The following ENTREP2 variants were observed in gnomAD, a reference collection of about 807,000 sequenced individuals.
ENTREP2 encodes the protein endosomal transmembrane epsin interactor 2.
At chr15:29,613,297 G>A in the ENTREP2 span, 2 of 198,052 alleles carry the variant, frequency 1.0e-5, no homozygotes. Context: ...TAGATCTGCA[G>A]ACCAGACCAC....
At chr15:29,617,537 C>A in the ENTREP2 span, among the ~76,000 whole-genome samples, 1 of 152,224 alleles carries the variant, frequency 6.6e-6, no homozygotes, top group African/African-American at 2.4e-5. Context: ...GTGACATTAG[C>A]TGCTGCAACT....
the ENTREP2 span, among the ~76,000 whole-genome samples, chr15:29,362,894 ATACTT>A: frequency 6.6e-6 from 1 of 152,158 alleles, no homozygotes; most frequent in Admixed American, 6.5e-5. Context: ...TCCTTATGTT[ATACTT>A]TAGTCTGTTT....
the ENTREP2 span, among the ~76,000 whole-genome samples, chr15:29,530,283 C>T: frequency 1.3e-5 from 2 of 152,210 alleles, no homozygotes; most frequent in South Asian, 2.1e-4. Context: ...GGAATCTGTG[C>T]GGGTGCTGGG....
At chr15:29,200,048 TTC>T in the ENTREP2 span, among the ~76,000 whole-genome samples, 1 of 152,262 alleles carries the variant, frequency 6.6e-6, no homozygotes, top group African/African-American at 2.4e-5. Flanking sequence ...TCTATCTGGA[TTC>T]TCTCTTTGTT....
At chr15:29,300,686 C>T in the ENTREP2 span, among the ~76,000 whole-genome samples, 1 of 152,114 alleles carries the variant, frequency 6.6e-6, no homozygotes, top group Non-Finnish European at 1.5e-5. Context: ...GCAACCTCCA[C>T]CTCCCGGGTT....
the ENTREP2 span, among the ~76,000 whole-genome samples, chr15:29,249,722 C>T: frequency 2.4e-4 from 37 of 152,186 alleles, no homozygotes; most frequent in African/African-American, 8.4e-4. Flanking sequence ...TCCATTCTTG[C>T]ATTGCTAGAA....
chr15:29,280,041 T>C, the ENTREP2 span, among the ~76,000 whole-genome samples: 1 of 152,240 alleles, frequency 6.6e-6, no homozygotes, highest in Non-Finnish European at 1.5e-5. Flanking sequence ...AATTCTCACA[T>C]TTCCGTTTTG....
the ENTREP2 span, among the ~76,000 whole-genome samples, chr15:29,402,372 G>T: frequency 1.3e-5 from 2 of 151,752 alleles, no homozygotes; most frequent in African/African-American, 4.9e-5. Flanking sequence ...CTAGAATGCA[G>T]TGGCATGATC....
the ENTREP2 span, among the ~76,000 whole-genome samples, chr15:29,644,847 G>C: frequency 6.7e-6 from 1 of 149,198 alleles, no homozygotes; most frequent in Non-Finnish European, 1.5e-5. Context: ...AGAAAGAAAA[G>C]AAAAAGAAAA....
At chr15:29,203,296 G>A in the ENTREP2 span, among the ~76,000 whole-genome samples, 3 of 152,302 alleles carry the variant, frequency 2.0e-5, no homozygotes, top group South Asian at 6.2e-4. Flanking sequence ...CAGCTACTGG[G>A]GAGGCTGAGG....
At chr15:29,539,999 G>A in the ENTREP2 span, among the ~76,000 whole-genome samples, 3 of 152,078 alleles carry the variant, frequency 2.0e-5, no homozygotes, top group South Asian at 4.2e-4. Context: ...AGGCAGATGT[G>A]GCCCAGGCAG....
chr15:29,623,702 G>C, the ENTREP2 span, among the ~76,000 whole-genome samples: 2 of 152,166 alleles, frequency 1.3e-5, no homozygotes, highest in African/African-American at 2.4e-5. Flanking sequence ...GCTAAAAGGA[G>C]GCAATCAGAT....
chr15:29,600,959 G>A, the ENTREP2 span, among the ~76,000 whole-genome samples: 10 of 140,130 alleles, frequency 7.1e-5, no homozygotes, highest in East Asian at 8.7e-4. Context: ...GTGCAGTGGC[G>A]CGATCTCTGC....
chr15:29,132,620 G>C, the ENTREP2 span, among the ~76,000 whole-genome samples: 1 of 152,226 alleles, frequency 6.6e-6, no homozygotes, highest in Non-Finnish European at 1.5e-5. Context: ...CAGAGTTCTG[G>C]AGAAGGGTGT....
chr15:29,178,004 AAC>A, the ENTREP2 span, among the ~76,000 whole-genome samples: 1 of 152,178 alleles, frequency 6.6e-6, no homozygotes, highest in Non-Finnish European at 1.5e-5. Flanking sequence ...GAACTTTGTT[AAC>A]ACAGTTTCTT....
chr15:29,289,672 C>A, the ENTREP2 span, among the ~76,000 whole-genome samples: 1 of 151,960 alleles, frequency 6.6e-6, no homozygotes, highest in Non-Finnish European at 1.5e-5. Context: ...ATGGCAAAAC[C>A]CCATCTCTAC....
At chr15:29,592,291 G>A in the ENTREP2 span, among the ~76,000 whole-genome samples, 3 of 152,166 alleles carry the variant, frequency 2.0e-5, no homozygotes, top group East Asian at 3.8e-4. Context: ...ATAGGTCTAG[G>A]TTCAGGGAAG....
the ENTREP2 span, among the ~76,000 whole-genome samples, chr15:29,368,434 A>C: frequency 2.0e-5 from 3 of 152,040 alleles, no homozygotes; most frequent in Non-Finnish European, 4.4e-5. Context: ...TGAGAAAGGC[A>C]TGGTGGACTT....
chr15:29,123,467 C>G, the ENTREP2 span: 653 of 1,551,680 alleles, frequency 4.2e-4, no homozygotes, highest in African/African-American at 5.7e-3. Context: ...TGTGAGTGTT[C>G]CAAAAACTTG....
Sources: gnomAD v4.1 joint callset for allele counts (sites outside exome capture counted in the v4.1 genomes callset) on GRCh38, gnomAD v4.1.1 for gene constraint, MANE v1.5 for transcripts, NCBI Gene and HGNC (gene_info 2026-07-23, HGNC 2026-07-21) for gene names.